Variants in FLNA observed in about 807,000 individuals in gnomAD.
FLNA encodes the protein filamin A.
Under a neutral mutation model 157.6 loss-of-function variants are expected in FLNA, and 7 were observed. That is an observed-to-expected ratio of 0.04 (90% confidence interval 0.03 to 0.08). The LOEUF is 0.08. FLNA is among the 10% of genes least tolerant of loss of function. The pLI, the probability that FLNA is intolerant of heterozygous loss-of-function variation, is 1.00. For synonymous variants in FLNA, 1,103 were observed against 1,060.8 expected, an observed-to-expected ratio of 1.04 and a Z score of -0.77; for missense variants, 1,750 against 2,398.4, an observed-to-expected ratio of 0.73 and a Z score of 5.65.
intron 11 of FLNA, 59 bp downstream of exon 11, chrX:154,365,076 CA>C: frequency 2.5e-6 from 3 of 1,207,726 alleles, no homozygotes; most frequent in Non-Finnish European, 3.4e-6. Flanking sequence ...GGTGGGGAGG[CA>C]GAAGGAAGAG....
rs371590031 is a variant in FLNA, at chrX:154,362,594, G to A, written c.2405-16C>T. On this transcript the variant is annotated splice_polypyrimidine_tract_variant and intron_variant, in intron 16 of 47. Coordinates refer to ENST00000369850, the MANE Select transcript of FLNA (RefSeq NM_001110556.2). ...CTGACGTCCCCTGCGGCGGGGAGAG[G>A]AGCGGAGGCTGAGACCTCGCAGGGA... 4.7e-5 allele frequency: 57 copies of A among 1,209,401 alleles called. No individual in the cohort carries two copies. The highest frequency in any genetic ancestry group is 6.4e-5 in the Non-Finnish European group (57 of 894,957).
chrX:154,355,294 G>A (rs1223873780), intron 30 of FLNA, among the ~76,000 whole-genome samples: 3 of 113,716 alleles, frequency 2.6e-5, no homozygotes, highest in Non-Finnish European at 5.6e-5. Context: ...CCATGTGGGA[G>A]AGGCCCGACA....
intron 28 of FLNA, 99 bp downstream of exon 28, chrX:154,358,100 T>G: frequency 1.0e-6 from 1 of 981,890 alleles, no homozygotes; most frequent in Non-Finnish European, 1.4e-6. Context: ...CCTGCCCTCC[T>G]TGGTGCAGCT....
chrX:154,363,651 T>C (rs1463044418), intron 15 of FLNA, among the ~76,000 whole-genome samples: 1 of 111,486 alleles, frequency 9.0e-6, no homozygotes, highest in Non-Finnish European at 1.9e-5. Flanking sequence ...AGAAAGAGCC[T>C]GCAGTGAGCC....
rs2067610809 is a variant in FLNA, at chrX:154,350,490, T to C, written c.7157-283A>G. The C allele has an allele frequency of 2.2e-5, 9 of 411,198 alleles. No homozygotes were observed. The South Asian group carries it at 3.2e-4, about 15-fold the overall frequency. The allele number at this position is 411,198 out of a possible 1,213,427, so 33.9% of individuals were successfully genotyped here. The stretch of plus-strand genomic sequence containing the variant: ...AGGTTACCGTGAACACCATATCCCC[T>C]GCATGTTAACAGGCTCAGAGACGGG... On this transcript the variant is annotated intron_variant, in intron 44 of 47. Coordinates refer to ENST00000369850, the MANE Select transcript of FLNA (RefSeq NM_001110556.2).
rs782594312 is a variant in FLNA at position 154,354,640 on chromosome X, G to A, written c.5289C>T (p.Tyr1763=). The A allele has an allele frequency of 2.4e-5, 29 of 1,204,397 alleles. No individual in the cohort carries two copies. Among genetic ancestry groups the A allele is most frequent in the Non-Finnish European group, 3.0e-5 (27 of 892,163 alleles). The change falls in exon 32 of 48, where the codon TAC becomes TAT. Residue 1763 remains tyrosine (Y), a synonymous_variant. Coordinates refer to ENST00000369850, the MANE Select transcript of FLNA (RefSeq NM_001110556.2). The part of the protein sequence containing the change: ...RSQQLAPQYT[Y]AQGGQQTWAP... Reference sequence around the variant, plus strand: ...CCCAAGTCTGCTGGCCGCCCTGGGCGTAGGTGTACTGTGGGGCCAGCTGCT... The same window carrying A: ...CCCAAGTCTGCTGGCCGCCCTGGGCATAGGTGTACTGTGGGGCCAGCTGCT...
intron 26 of FLNA, 184 bp from the exon 27 acceptor site, chrX:154,358,752 C>T: frequency 1.6e-6 from 1 of 614,201 alleles, no homozygotes; most frequent in Non-Finnish European, 2.6e-6. Context: ...CCAGCTGGGA[C>T]CCTTGCCTGC....
chrX:154,372,728 G>GTT (rs59074156), intron 1 of FLNA, among the ~76,000 whole-genome samples: 4,464 of 98,194 alleles, frequency 0.045, 293 homozygotes, highest in African/African-American at 0.16. Flanking sequence ...TCCTCTGAGT[G>GTT]TTTTTTTTTT....
rs781983905 is a variant in FLNA at position 154,366,540 on chromosome X, TCC to T, written c.1065+20_1065+21del. On this transcript the variant is annotated intron_variant, in intron 7 of 47. Coordinates refer to ENST00000369850, the MANE Select transcript of FLNA (RefSeq NM_001110556.2). ...CAGCCACTGCCTGAGGTCACAAGCC[TCC>T]CCCCTGGCCAAGGGCTCACCTTATG... is the stretch of plus-strand genomic sequence containing the variant. 1 of 1,207,611 alleles carries T rather than the reference TCC, an allele frequency of 8.3e-7. No individual in the cohort carries two copies. The highest frequency in any genetic ancestry group is 3.0e-5 in the East Asian group (1 of 33,805).
chrX:154,362,598 G>A lies in FLNA; in HGVS notation c.2405-20C>T, dbSNP rs782576127. The stretch of plus-strand genomic sequence containing the variant: ...CGTCCCCTGCGGCGGGGAGAGGAGC[G>A]GAGGCTGAGACCTCGCAGGGACACC... On this transcript the variant is annotated intron_variant, in intron 16 of 47. Transcript: ENST00000369850. 1.4e-5 allele frequency: 17 copies of A among 1,209,322 alleles called. No homozygotes were observed. In the Admixed American group the frequency reaches 2.8e-4, roughly 20 times the overall value.
chrX:154,358,605 T>C (rs1557177332), intron 26 of FLNA, 37 bp from the exon 27 acceptor site: 2 of 1,198,845 alleles, frequency 1.7e-6, no homozygotes, highest in East Asian at 3.0e-5. Flanking sequence ...TCAGCTAGTC[T>C]CCTGGGCCTC....
intron 11 of FLNA, 25 bp downstream of exon 11, chrX:154,365,111 G>A: frequency 1.7e-6 from 2 of 1,211,289 alleles, no homozygotes; most frequent in Non-Finnish European, 2.2e-6. Flanking sequence ...TGCAGAGCTG[G>A]GAGAGGGATG....
intron 15 of FLNA, among the ~76,000 whole-genome samples, chrX:154,363,100 A>G (rs2067726078): frequency 1.8e-5 from 2 of 112,448 alleles, no homozygotes; most frequent in South Asian, 3.7e-4. Flanking sequence ...TGGCCACACA[A>G]TGGAGTATTA....
Position 154,354,665 on chromosome X carries a change from T to C in FLNA, c.5264A>G (p.Gln1755Arg). 8.3e-7 allele frequency: 1 copy of C among 1,207,499 alleles called. No homozygotes were observed. Among genetic ancestry groups the C allele is most frequent in the Non-Finnish European group, 1.1e-6 (1 of 893,534 alleles). Residue 1755 changes from glutamine (Q) to arginine (R), a missense_variant, in exon 32 of 48, where the codon CAG becomes CGG. Physicochemically the swap from Gln to Arg is conservative, Grantham distance 43. Around this residue, in one of 5 missense-constraint regions of FLNA, gnomAD observed 970 missense variants for 1,302.6 expected, o/e 0.74. Transcript: ENST00000369850. The part of the protein sequence containing the change: ...QPSVQPPLRS[Q>R]QLAPQYTYAQ... ...GTAGGTGTACTGTGGGGCCAGCTGCTGAGACCGTAGAGGGGGCTGCACCGA... is the reference window on the plus strand; with the variant it reads ...GTAGGTGTACTGTGGGGCCAGCTGCCGAGACCGTAGAGGGGGCTGCACCGA...
chrX:154,354,455 T>C lies in FLNA; in HGVS notation c.5342A>G (p.Asn1781Ser), dbSNP rs373089783. Residue 1781 changes from asparagine (N) to serine (S), a missense_variant, in exon 33 of 48, where the codon AAT becomes AGT. Physicochemically the swap from Asn to Ser is conservative, Grantham distance 46. Around this residue, in one of 5 missense-constraint regions of FLNA, gnomAD observed 970 missense variants for 1,302.6 expected, o/e 0.74. Coordinates refer to ENST00000369850, the MANE Select transcript of FLNA (RefSeq NM_001110556.2). Reference sequence around the variant, plus strand: ...CCTCAGGCTGGTCACATCCAGCCCATTGACACCCACCAGGGGCCTCTCCGG... The same window carrying C: ...CCTCAGGCTGGTCACATCCAGCCCACTGACACCCACCAGGGGCCTCTCCGG... ...WAPERPLVGV[N>S]GLDVTSLRPF... The C allele has an allele frequency of 5.0e-5, 60 of 1,210,332 alleles. No homozygotes were observed. The highest frequency in any genetic ancestry group is 1.5e-4 in the Admixed American group (7 of 46,025).
Position 154,370,889 on chromosome X carries a change from G to A in FLNA, c.357C>T (p.Ile119=). 8.3e-7 allele frequency: 1 copy of A among 1,210,765 alleles called. No homozygotes were observed. Among genetic ancestry groups the A allele is most frequent in the Non-Finnish European group, 1.1e-6 (1 of 895,117 alleles). Residue 119 remains isoleucine (I), a synonymous_variant, in exon 2 of 48, where the codon ATC becomes ATT. Transcript: ENST00000369850. ...VALEFLDRES[I]KLVSIDSKAI... is the part of the protein sequence containing the mutation. ...GTCCCTCACCGATGGACACCAGTTT[G>A]ATGCTCTCGCGGTCCAGGAACTCGA... is the stretch of plus-strand genomic sequence containing the variant.
At chrX:154,369,949 A>C (rs1395936724) in intron 2 of FLNA, among the ~76,000 whole-genome samples, 1 of 111,928 alleles carries the variant, frequency 8.9e-6, no homozygotes, top group Non-Finnish European at 1.9e-5. Context: ...GAAGAAGAGA[A>C]GACTCATCAT....
In FLNA at chrX:154,366,313, G is replaced by A. The variant is rs781827791; in HGVS notation, c.1223C>T (p.Thr408Met). The stretch of plus-strand genomic sequence containing the variant: ...CCTTGGCAGCCTCCCCTCACCTGCC[G>A]TAAAGATCTCAAAGTAGGTGGTCTT... ...ANKTTYFEIF[T>M]AGAGTGEVEV... is the part of the protein sequence containing the mutation. The change falls in exon 8 of 48, where the codon ACG becomes ATG. Residue 408 changes from threonine (T) to methionine (M), a missense_variant. Thr to Met is a moderately conservative substitution (Grantham distance 81). Around this residue, in one of 5 missense-constraint regions of FLNA, gnomAD observed 648 missense variants for 805.8 expected, o/e 0.80. Coordinates refer to ENST00000369850, the MANE Select transcript of FLNA (RefSeq NM_001110556.2). The A allele has an allele frequency of 7.4e-6, 9 of 1,211,909 alleles. No individual in the cohort carries two copies. Among genetic ancestry groups the A allele is most frequent in the East Asian group, 5.9e-5 (2 of 33,851 alleles).
Position 154,357,251 on chromosome X carries a change from C to G in FLNA, c.4969G>C (p.Gly1657Arg). 1.7e-6 allele frequency: 2 copies of G among 1,210,811 alleles called. No homozygotes were observed. Among genetic ancestry groups the G allele is most frequent in the Non-Finnish European group, 2.2e-6 (2 of 894,856 alleles). The change falls in exon 30 of 48, where the codon GGT becomes CGT. Residue 1657 changes from glycine (G) to arginine (R), a missense_variant and splice_region_variant. This residue lies in a region of FLNA where 970 missense variants were observed against 1,302.6 expected (regional missense o/e 0.74). Coordinates refer to ENST00000369850, the MANE Select transcript of FLNA (RefSeq NM_001110556.2). ...VTVSIGGHGL[G>R]AGIGPTIQIG... ...GGAGTGGCCCCAGCAAGCAGCTTAC[C>G]TAGCCCGTGACCTCCGATTGACACT...
Sources: allele counts gnomAD v4.1 joint callset (sites outside exome capture counted in the v4.1 genomes callset), GRCh38; gene constraint gnomAD v4.1.1; regional missense constraint gnomAD v4.1.1; transcripts MANE v1.5; gene names NCBI Gene and HGNC (gene_info 2026-07-23, HGNC 2026-07-21).